Variants in ITGAL observed in about 807,000 individuals in gnomAD.
ITGAL encodes integrin alpha-L.
ITGAL carries 68 observed loss-of-function variants against 138.4 expected under a neutral mutation model. The observed-to-expected ratio is 0.49, with a 90% confidence interval of 0.40 to 0.60. ITGAL has a LOEUF of 0.60. ITGAL is among the 20% of genes least tolerant of loss of function. ITGAL has a pLI of 0.00. For synonymous variants in ITGAL, 561 were observed against 584.3 expected, an observed-to-expected ratio of 0.96 and a Z score of 0.57; for missense variants, 1,256 against 1,478.6, an observed-to-expected ratio of 0.85 and a Z score of 2.47.
At chr16:30,517,927 C>T (rs1463239649) in intron 28 of ITGAL, 32 bp downstream of exon 28, 1 of 1,598,370 alleles carries the variant, frequency 6.3e-7, no homozygotes, top group Non-Finnish European at 8.6e-7. Flanking sequence ...TGTGGAGCTG[C>T]TGTGGGGGCC....
chr16:30,487,512 C>T lies in ITGAL; in HGVS notation c.1007-1570C>T, dbSNP rs372771158. Among the ~76,000 whole-genome samples, 9 of 152,154 alleles carry T rather than the reference C, an allele frequency of 5.9e-5. No homozygotes were observed. In the East Asian group the frequency reaches 1.7e-3, roughly 29 times the overall value. Reference sequence around the variant, plus strand: ...GCAACCTCAGCCTCCTCGGTTCAAGCGATTCTCCTGCCTCAGCCTCCCAAG... The same window carrying T: ...GCAACCTCAGCCTCCTCGGTTCAAGTGATTCTCCTGCCTCAGCCTCCCAAG... On this transcript the variant is annotated intron_variant, in intron 9 of 30. Coordinates refer to ENST00000356798, the MANE Select transcript of ITGAL (RefSeq NM_002209.3).
rs34562394 is a variant in ITGAL at position 30,479,316 on chromosome 16, G to A, written c.446-15G>A. ...AGAGATGCTTCACTGGGTCCCTTGC[G>A]TCTGGCTTCTGCAGAATGTATCAAG... On this transcript the variant is annotated splice_polypyrimidine_tract_variant and intron_variant, in intron 5 of 30. Transcript: ENST00000356798. 2.7e-4 allele frequency: 439 copies of A among 1,613,868 alleles called. 1 individual carries two copies. In the African/African-American group the frequency reaches 4.4e-3, roughly 16 times the overall value.
chr16:30,497,160 C>T (rs372825576), intron 15 of ITGAL, among the ~76,000 whole-genome samples: 52 of 152,036 alleles, frequency 3.4e-4, no homozygotes, highest in South Asian at 4.2e-4. Context: ...CTGGCTAACA[C>T]GGTGAAACCC....
chr16:30,491,633 CT>C (rs950838430), intron 11 of ITGAL, among the ~76,000 whole-genome samples: 10 of 148,778 alleles, frequency 6.7e-5, no homozygotes, highest in South Asian at 2.1e-4. Context: ...GGTACTGTTC[CT>C]TTTTTTTTTC....
intron 17 of ITGAL, among the ~76,000 whole-genome samples, chr16:30,500,802 C>T (rs965959843): frequency 3.3e-5 from 5 of 152,068 alleles, no homozygotes; most frequent in African/African-American, 9.7e-5. Flanking sequence ...GTCAGGAGTT[C>T]GAGACCAGCC....
In ITGAL at chr16:30,494,632, G is replaced by A; in HGVS notation, c.1366-81G>A. 6.8e-7 allele frequency: 1 copy of A among 1,474,336 alleles called. No individual in the cohort carries two copies. Among genetic ancestry groups the A allele is most frequent in the African/African-American group, 1.4e-5 (1 of 71,306 alleles). 91.3% of individuals were successfully genotyped at this position (1,474,336 alleles called of 1,614,324 possible). ...ACCTGCATTTGAGGGAGTGGCACAA[G>A]ATGAACACGGTACAGGTATCTCCCT... On this transcript the variant is annotated intron_variant, in intron 12 of 30. Coordinates refer to ENST00000356798, the MANE Select transcript of ITGAL (RefSeq NM_002209.3). The surrounding 1 kb of genome is among the most constrained non-coding windows in gnomAD (Gnocchi z 4.2).
intron 21 of ITGAL, 93 bp from the exon 22 acceptor site, chr16:30,510,268 G>A: frequency 1.3e-6 from 1 of 746,886 alleles, no homozygotes; most frequent in Non-Finnish European, 2.4e-6. Context: ...CAGGGACAGA[G>A]CCCCTGGGGG....
At chr16:30,485,454 C>T (rs1336477440) in intron 9 of ITGAL, among the ~76,000 whole-genome samples, 15 of 152,090 alleles carry the variant, frequency 9.9e-5, no homozygotes, top group Admixed American at 9.2e-4. Flanking sequence ...CTCGATCTGA[C>T]CTCGTGACCT....
intron 30 of ITGAL, among the ~76,000 whole-genome samples, chr16:30,520,790 C>T (rs751920105): frequency 1.3e-5 from 2 of 152,150 alleles, no homozygotes; most frequent in Non-Finnish European, 2.9e-5. Flanking sequence ...GCTGAGTAGA[C>T]ATTACAGATG....
intron 24 of ITGAL, among the ~76,000 whole-genome samples, chr16:30,511,687 G>C (rs2051093505): frequency 6.6e-6 from 1 of 152,180 alleles, no homozygotes; most frequent in Admixed American, 6.6e-5. Flanking sequence ...AATACCCCTT[G>C]CCCTCAGGGA....
chr16:30,512,898 G>A lies in ITGAL; in HGVS notation c.2787-873G>A, dbSNP rs111863792. 9.7e-4 allele frequency among the ~76,000 whole-genome samples: 148 copies of A among 152,124 alleles called. 1 individual carries two copies. The highest frequency in any genetic ancestry group is 3.2e-3 in the African/African-American group (131 of 41,528). On this transcript the variant is annotated intron_variant, in intron 24 of 30. Coordinates refer to ENST00000356798, the MANE Select transcript of ITGAL (RefSeq NM_002209.3). ...GTATTCTTAGTAGAGACAGGGTTTC[G>A]CCATGTTGGCCAGGCAGGTCTTAAA...
In ITGAL at chr16:30,496,287, C is replaced by T. The variant is rs1434285725; in HGVS notation, c.1694C>T (p.Pro565Leu). The change falls in exon 14 of 31, where the codon CCA becomes CTA. Residue 565 changes from proline (P) to leucine (L), a missense_variant. Physicochemically the swap from Pro to Leu is moderately conservative, Grantham distance 98. Transcript: ENST00000356798. ...AGGCACGGGGGGCTTAGTCCCCAGC[C>T]AAGTCAGGTGACGTATGCTGCCTGC... ...NGRHGGLSPQ[P>L]SQRIEGTQVL... is the part of the protein sequence containing the mutation. 1 of 1,599,312 alleles carries T rather than the reference C, an allele frequency of 6.3e-7. No individual in the cohort carries two copies. Among genetic ancestry groups the T allele is most frequent in the South Asian group, 1.1e-5 (1 of 89,050 alleles).
intron 21 of ITGAL, among the ~76,000 whole-genome samples, chr16:30,509,747 A>T (rs947054625): frequency 2.6e-5 from 4 of 152,048 alleles, no homozygotes; most frequent in Admixed American, 6.6e-5. Flanking sequence ...ATTTTAAAAA[A>T]TTTTTTGTAG....
At chr16:30,519,659 G>A (rs914929632) in intron 29 of ITGAL, 198 bp from the exon 30 acceptor site, 6 of 580,730 alleles carry the variant, frequency 1.0e-5, no homozygotes, top group Non-Finnish European at 1.9e-5. Context: ...GAAGGCCTAG[G>A]GCTGCCTAAG....
intron 24 of ITGAL, among the ~76,000 whole-genome samples, chr16:30,512,200 G>C (rs1597104378): frequency 6.6e-6 from 1 of 152,186 alleles, no homozygotes; most frequent in South Asian, 2.1e-4. Flanking sequence ...CTATGGGCAG[G>C]AATGGGTAAA....
intron 6 of ITGAL, chr16:30,481,080 T>C: frequency 4.3e-6 from 1 of 230,052 alleles, no homozygotes; most frequent in East Asian, 1.5e-4. Context: ...GGCAGGTGGA[T>C]CACCTGAGGT....
In ITGAL at chr16:30,475,364, T is replaced by A. The variant is rs539609409; in HGVS notation, c.223T>A (p.Ser75Thr). The A allele has an allele frequency of 6.2e-7, 1 of 1,613,864 alleles. No homozygotes were observed. The highest frequency in any genetic ancestry group is 2.2e-5 in the East Asian group (1 of 44,874). Residue 75 changes from serine (S) to threonine (T), a missense_variant, in exon 3 of 31, where the codon TCG (serine) becomes ACG (threonine). This residue lies in a region of ITGAL where 212 missense variants were observed against 217.4 expected (regional missense o/e 0.98). Coordinates refer to ENST00000356798, the MANE Select transcript of ITGAL (RefSeq NM_002209.3). ...CACAGGAAGCCTCTATCAGTGCCAG[T>A]CGGGCACAGGACACTGCCTGCCAGT... The part of the protein sequence containing the change: ...NSTGSLYQCQ[S>T]GTGHCLPVTL...
rs527691701 is a variant in ITGAL at position 30,486,197 on chromosome 16, C to T, written c.1006+1934C>T. ...TTTGCTAGGACACAGCCTTGGTGTT[C>T]GGTTCAGTTAAAGAAGCAATGGGCT... On this transcript the variant is annotated intron_variant, in intron 9 of 30. Transcript: ENST00000356798. 3.9e-5 allele frequency among the ~76,000 whole-genome samples: 6 copies of T among 152,226 alleles called. No individual in the cohort carries two copies. In the South Asian group the frequency reaches 6.2e-4, roughly 16 times the overall value.
chr16:30,486,100 C>T (rs533465137), intron 9 of ITGAL, among the ~76,000 whole-genome samples: 1 of 152,260 alleles, frequency 6.6e-6, no homozygotes, highest in Non-Finnish European at 1.5e-5. Context: ...AGATGGAGGA[C>T]TGGTTATGGA....
Sources: gnomAD v4.1 joint callset for allele counts (sites outside exome capture counted in the v4.1 genomes callset) on GRCh38, gnomAD v4.1.1 for gene constraint, gnomAD v4.1.1 regional missense constraint, Gnocchi (gnomAD v3.1) non-coding constraint, MANE v1.5 for transcripts, NCBI Gene and HGNC (gene_info 2026-07-23, HGNC 2026-07-21) for gene names.